Variants in SLC5A4 observed in about 807,000 individuals in gnomAD.
SLC5A4 encodes the protein probable glucose sensor protein SLC5A4.
A neutral mutation model predicts 70.3 loss-of-function variants in SLC5A4; 55 were observed. The ratio of observed to expected loss-of-function variants is 0.78; its 90% CI spans 0.63 to 0.98. The LOEUF is 0.98. SLC5A4 is among the 50% of genes least tolerant of loss of function. The pLI is 0.00. For synonymous variants in SLC5A4, 268 were observed against 305.7 expected, an observed-to-expected ratio of 0.88 and a Z score of 1.29; for missense variants, 735 against 839.2, an observed-to-expected ratio of 0.88 and a Z score of 1.53.
chr22:32,270,676 G>T, the SLC5A4 span: 1 of 702,758 alleles, frequency 1.4e-6, no homozygotes, highest in Non-Finnish European at 2.6e-6. Context: ...GTCGCTGCTG[G>T]GCATCCACCT....
chr22:32,243,541 A>G (rs937321269), intron 5 of SLC5A4, among the ~76,000 whole-genome samples: 4 of 152,200 alleles, frequency 2.6e-5, no homozygotes, highest in Non-Finnish European at 5.9e-5. Context: ...CCTAGGAATA[A>G]CAATATACAG....
intron 1 of SLC5A4, 69 bp downstream of exon 1, chr22:32,255,126 C>T: frequency 1.4e-6 from 2 of 1,440,520 alleles, no homozygotes; most frequent in Non-Finnish European, 1.9e-6. Context: ...CAACCACACC[C>T]CTTCCCCCCT....
At chr22:32,343,515 A>C in the SLC5A4 span, among the ~76,000 whole-genome samples, 1 of 152,238 alleles carries the variant, frequency 6.6e-6, no homozygotes, top group Non-Finnish European at 1.5e-5. Context: ...ATGGCATCAC[A>C]GAGTTGTCGG....
the SLC5A4 span, among the ~76,000 whole-genome samples, chr22:32,330,941 TGGAGGCTCTGGTGTGTGTGTG>T: frequency 4.3e-4 from 6 of 13,982 alleles, no homozygotes; most frequent in Non-Finnish European, 7.2e-4. Context: ...GTGTATGTGT[TGGAGGCTCTGGTGTGTGTGTG>T]TTGGGGGCAC....
chr22:32,301,842 CAAA>C, the SLC5A4 span, among the ~76,000 whole-genome samples: 72,111 of 147,864 alleles, frequency 0.49, 17,388 homozygotes, highest in Admixed American at 0.52. Flanking sequence ...ATTTAAAGTA[CAAA>C]AAAAAAAAAA....
chr22:32,255,887 C>A (rs1927457156), upstream of SLC5A4, among the ~76,000 whole-genome samples: 1 of 152,086 alleles, frequency 6.6e-6, no homozygotes, highest in Non-Finnish European at 1.5e-5. Flanking sequence ...CTTCAAGCAC[C>A]ATATGTGGTG....
the SLC5A4 span, among the ~76,000 whole-genome samples, chr22:32,312,300 G>C: frequency 6.6e-6 from 1 of 151,696 alleles, no homozygotes; most frequent in Non-Finnish European, 1.5e-5. Context: ...CAGAGAACTT[G>C]AGGGGGGAAG....
At chr22:32,345,380 T>C in the SLC5A4 span, among the ~76,000 whole-genome samples, 1 of 152,198 alleles carries the variant, frequency 6.6e-6, no homozygotes, top group Non-Finnish European at 1.5e-5. Flanking sequence ...TGTTAGTCAG[T>C]GAATAAAAAG....
Position 32,237,320 on chromosome 22 carries a change from G to C in SLC5A4, c.588C>G (p.Gly196=), listed in dbSNP as rs1456491348. The part of the protein sequence containing the change: ...AMTAVYTTTG[G]LASVIYTDTL... ...TGTCTGTGTAAATCACCGAGGCCAA[G>C]CCCCCTAGTGAGAGAAAGAAAAGAA... Residue 196 remains glycine, a synonymous_variant, in exon 7 of 15, where the codon GGC becomes GGG. Coordinates refer to ENST00000266086, the MANE Select transcript of SLC5A4 (RefSeq NM_014227.3). 1 of 1,591,832 alleles carries C rather than the reference G, an allele frequency of 6.3e-7. No homozygotes were observed.
chr22:32,325,001 C>G, the SLC5A4 span, among the ~76,000 whole-genome samples: 1 of 152,172 alleles, frequency 6.6e-6, no homozygotes, highest in South Asian at 2.1e-4. Context: ...GTGTGGCCAT[C>G]GACTCCTGCC....
the SLC5A4 span, among the ~76,000 whole-genome samples, chr22:32,320,886 T>A: frequency 3.3e-5 from 5 of 151,230 alleles, no homozygotes; most frequent in Admixed American, 2.7e-4. Context: ...CTGTGGACGA[T>A]CCGGCAACCT....
At chr22:32,322,140 AAGGGTT>A in the SLC5A4 span, among the ~76,000 whole-genome samples, 1 of 152,168 alleles carries the variant, frequency 6.6e-6, no homozygotes, top group East Asian at 1.9e-4. Flanking sequence ...TTCTAGACCT[AAGGGTT>A]GGAAACCAGA....
At chr22:32,335,688 C>A in the SLC5A4 span, among the ~76,000 whole-genome samples, 9 of 152,210 alleles carry the variant, frequency 5.9e-5, no homozygotes, top group Non-Finnish European at 1.3e-4. Flanking sequence ...GCCCATTGTT[C>A]CTGCCTGCCC....
the SLC5A4 span, among the ~76,000 whole-genome samples, chr22:32,260,744 C>T: frequency 8.9e-3 from 1,352 of 152,090 alleles, 5 homozygotes; most frequent in Non-Finnish European, 0.013. Context: ...AATCGGAAAA[C>T]GGATGGAGAC....
the SLC5A4 span, among the ~76,000 whole-genome samples, chr22:32,289,993 T>C: frequency 6.6e-6 from 1 of 152,182 alleles, no homozygotes; most frequent in African/African-American, 2.4e-5. Flanking sequence ...TTGTGTATGA[T>C]TGGCGTGGTT....
At chr22:32,289,397 G>T in the SLC5A4 span, among the ~76,000 whole-genome samples, 1 of 152,252 alleles carries the variant, frequency 6.6e-6, no homozygotes, top group African/African-American at 2.4e-5. Context: ...TGAATCATGG[G>T]GGTGGTTTCT....
the SLC5A4 span, among the ~76,000 whole-genome samples, chr22:32,303,631 T>TGATA: frequency 5.5e-4 from 84 of 152,320 alleles, no homozygotes; most frequent in East Asian, 0.014. Flanking sequence ...TTTAATGGCT[T>TGATA]GATACCTCAT....
chr22:32,306,036 T>C, the SLC5A4 span, among the ~76,000 whole-genome samples: 72,775 of 151,810 alleles, frequency 0.48, 17,597 homozygotes, highest in Admixed American at 0.51. Context: ...TGGTCCTCCA[T>C]CCTCCCCTAC....
chr22:32,351,755 G>GTGGGGGGA, the SLC5A4 span, among the ~76,000 whole-genome samples: 24 of 78,120 alleles, frequency 3.1e-4, no homozygotes, highest in Non-Finnish European at 4.4e-4. Context: ...GGGCGGGGGG[G>GTGGGGGGA]GGGTGGGCGG....
Sources: gnomAD v4.1 joint callset for allele counts (sites outside exome capture counted in the v4.1 genomes callset) on GRCh38, gnomAD v4.1.1 for gene constraint, MANE v1.5 for transcripts, NCBI Gene and HGNC (gene_info 2026-07-23, HGNC 2026-07-21) for gene names.